CTIF: variants seen among roughly 807,000 people sequenced by gnomAD.
CTIF encodes CBP80/20-dependent translation initiation factor.
CTIF carries 21 observed loss-of-function variants against 66.0 expected under a neutral mutation model. The ratio of observed to expected loss-of-function variants is 0.32; its 90% confidence interval spans 0.23 to 0.46. CTIF has a LOEUF of 0.46. Ranked by LOEUF, CTIF falls within the 20% of genes least tolerant of loss-of-function variation. The pLI is 1.00. For synonymous variants in CTIF, 345 were observed against 326.4 expected, an observed-to-expected ratio of 1.06 and a Z score of -0.62; for missense variants, 739 against 812.7, an observed-to-expected ratio of 0.91 and a Z score of 1.10.
intron 1 of CTIF, among the ~76,000 whole-genome samples, chr18:48,576,821 G>T (rs2089543593): frequency 6.6e-6 from 1 of 152,234 alleles, no homozygotes; most frequent in African/African-American, 2.4e-5. Context: ...ACTTGTTTTG[G>T]TGGTTTAGGG....
chr18:48,699,720 C>T (rs1049210405), intron 6 of CTIF, among the ~76,000 whole-genome samples: 1 of 152,232 alleles, frequency 6.6e-6, no homozygotes, highest in African/African-American at 2.4e-5. Context: ...ACATGCCATT[C>T]ATGCCCAGTC....
chr18:48,693,389 A>T (rs1008300965), intron 6 of CTIF, among the ~76,000 whole-genome samples: 11 of 152,144 alleles, frequency 7.2e-5, no homozygotes, highest in African/African-American at 2.7e-4. Context: ...GGAGCTTTTA[A>T]CATCTTTGAT....
rs544073702 is a variant in CTIF at position 48,810,819 on chromosome 18, A to G, written c.1372-6402A>G. ...TCTCTTTATTATGGATTGTATTTTTATATATAAAACCTTATAATTTTATTT... is the reference window on the plus strand; with the variant it reads ...TCTCTTTATTATGGATTGTATTTTTGTATATAAAACCTTATAATTTTATTT... On this transcript the variant is annotated intron_variant, in intron 9 of 11. Coordinates refer to ENST00000256413, the MANE Select transcript of CTIF (RefSeq NM_014772.3). 2.0e-5 allele frequency among the ~76,000 whole-genome samples: 3 copies of G among 150,802 alleles called. No homozygotes were observed. The East Asian group carries it at 5.8e-4, about 29-fold the overall frequency.
intron 3 of CTIF, among the ~76,000 whole-genome samples, chr18:48,659,137 C>G (rs1342450881): frequency 3.9e-5 from 6 of 152,094 alleles, no homozygotes; most frequent in African/African-American, 1.4e-4. Context: ...ATATGCCTGT[C>G]TTGTGCCATT....
intron 6 of CTIF, among the ~76,000 whole-genome samples, chr18:48,700,710 G>T (rs1188060219): frequency 6.6e-6 from 1 of 152,168 alleles, no homozygotes; most frequent in Non-Finnish European, 1.5e-5. Flanking sequence ...CACTTCGAAG[G>T]GTGACCTCAG....
At chr18:48,694,295 G>A (rs1428538757) in intron 6 of CTIF, among the ~76,000 whole-genome samples, 1 of 152,234 alleles carries the variant, frequency 6.6e-6, no homozygotes, top group East Asian at 1.9e-4. Context: ...CAAGGACAAT[G>A]GATTCAGGTG....
At chr18:48,839,047 G>C (rs4586521) in intron 10 of CTIF, among the ~76,000 whole-genome samples, 67,573 of 151,998 alleles carry the variant, frequency 0.44, 15,895 homozygotes, top group African/African-American at 0.62. Context: ...ACCACCAACC[G>C]CCACCCTGCT....
At chr18:48,764,005 A>G (rs943787130) in intron 9 of CTIF, among the ~76,000 whole-genome samples, 2 of 152,070 alleles carry the variant, frequency 1.3e-5, no homozygotes, top group African/African-American at 4.8e-5. Context: ...CTGGCACTCC[A>G]CATCCTGCTC....
chr18:48,647,287 G>T (rs1453364437), intron 3 of CTIF, among the ~76,000 whole-genome samples: 1 of 152,214 alleles, frequency 6.6e-6, no homozygotes, highest in African/African-American at 2.4e-5. Context: ...TGGTTGCCAG[G>T]ATGAGGGAAG....
chr18:48,555,848 G>T (rs993900909), intron 1 of CTIF, among the ~76,000 whole-genome samples: 3 of 152,212 alleles, frequency 2.0e-5, no homozygotes, highest in African/African-American at 7.2e-5. Context: ...TCAGTTTGGG[G>T]CACTGGGCAT....
At chr18:48,848,856 G>A (rs937039811) in intron 10 of CTIF, among the ~76,000 whole-genome samples, 4 of 152,244 alleles carry the variant, frequency 2.6e-5, no homozygotes, top group Non-Finnish European at 4.4e-5. Flanking sequence ...TATGATGGGC[G>A]TGCCCACAAC....
At chr18:48,603,486 G>T (rs2090140143) in intron 1 of CTIF, among the ~76,000 whole-genome samples, 2 of 121,760 alleles carry the variant, frequency 1.6e-5, no homozygotes, top group Admixed American at 7.7e-5. Flanking sequence ...TGGGTGGGTG[G>T]GTGGGTGGGT....
intron 10 of CTIF, among the ~76,000 whole-genome samples, chr18:48,824,894 G>A (rs998056152): frequency 6.6e-6 from 1 of 152,066 alleles, no homozygotes; most frequent in Non-Finnish European, 1.5e-5. Flanking sequence ...TGGCCACCTC[G>A]GCCTCCCAAA....
chr18:48,548,111 T>A (rs1437627668), intron 1 of CTIF, among the ~76,000 whole-genome samples: 1 of 152,120 alleles, frequency 6.6e-6, no homozygotes, highest in Non-Finnish European at 1.5e-5. Context: ...GGCAGAGATA[T>A]GGTAATGCCT....
chr18:48,558,868 A>T (rs1004786233), intron 1 of CTIF, among the ~76,000 whole-genome samples: 1 of 152,224 alleles, frequency 6.6e-6, no homozygotes, highest in Non-Finnish European at 1.5e-5. Context: ...AATAATAAAT[A>T]CACTTATTCA....
At chr18:48,678,473 G>A (rs1376126572) in intron 6 of CTIF, among the ~76,000 whole-genome samples, 2 of 152,050 alleles carry the variant, frequency 1.3e-5, no homozygotes, top group Non-Finnish European at 2.9e-5. Flanking sequence ...CAATAAATGG[G>A]GCCAGAAGTT....
chr18:48,539,706 AC>A (rs1222933266), intron 1 of CTIF: 1 of 152,580 alleles, frequency 6.6e-6, no homozygotes, highest in African/African-American at 2.4e-5. Flanking sequence ...CCGGGTTCCG[AC>A]CTGGGAGGAG....
intron 9 of CTIF, among the ~76,000 whole-genome samples, chr18:48,798,724 C>A (rs1299928924): frequency 6.6e-6 from 1 of 152,190 alleles, no homozygotes; most frequent in Non-Finnish European, 1.5e-5. Flanking sequence ...GAAGTTGTCC[C>A]ATGGGTGGGA....
At chr18:48,736,021 G>A (rs866704144) in intron 7 of CTIF, among the ~76,000 whole-genome samples, 9 of 152,286 alleles carry the variant, frequency 5.9e-5, no homozygotes, top group Middle Eastern at 3.4e-3. Flanking sequence ...TTGCCACGAA[G>A]CATTTTCCCT....
Sources: allele counts gnomAD v4.1 joint callset (sites outside exome capture counted in the v4.1 genomes callset), GRCh38; gene constraint gnomAD v4.1.1; transcripts MANE v1.5; gene names NCBI Gene and HGNC (gene_info 2026-07-23, HGNC 2026-07-21).